Variants in FGD5 observed in about 807,000 individuals in gnomAD.
The protein encoded by FGD5 is FYVE, RhoGEF and PH domain containing 5.
A neutral mutation model predicts 133.4 loss-of-function variants in FGD5; 28 were observed. The observed-to-expected ratio is 0.21, with a 90% CI of 0.16 to 0.29. The LOEUF (loss-of-function observed/expected upper bound fraction) is 0.29. FGD5 is among the 10% of genes least tolerant of loss of function. FGD5 has a pLI of 1.00. For missense variants in FGD5, 1,858 were observed against 1,895.2 expected, an observed-to-expected ratio of 0.98 and a Z score of 0.36; for synonymous variants, 810 against 776.5, an observed-to-expected ratio of 1.04 and a Z score of -0.72.
intron 9 of FGD5, among the ~76,000 whole-genome samples, chr3:14,903,586 G>C (rs2038284908): frequency 6.9e-6 from 1 of 144,654 alleles, no homozygotes; most frequent in Non-Finnish European, 1.5e-5. Flanking sequence ...TCCCACCTGT[G>C]AGTGAGAATA....
rs776303429 is a variant in FGD5 at position 14,900,416 on chromosome 3, C to G, written c.3168C>G (p.Asn1056Lys). Reference sequence around the variant, plus strand: ...TCCTGCCAACAGACTATTTAAACAACCTTTGTCCGGACTCCGCCGAGTACG... The same window carrying G: ...TCCTGCCAACAGACTATTTAAACAAGCTTTGTCCGGACTCCGCCGAGTACG... Reference protein sequence around the residue: ...YQVLLTDYLNNLCPDSAEYDN... With the variant: ...YQVLLTDYLNKLCPDSAEYDN... Residue 1056 changes from asparagine (N) to lysine (K), a missense_variant, in exon 8 of 20, where the codon AAC (asparagine) becomes AAG (lysine). Around this residue, in one of 3 missense-constraint regions of FGD5, gnomAD observed 1,824 missense variants for 1,848.9 expected, o/e 0.99. Coordinates refer to ENST00000285046, the MANE Select transcript of FGD5 (RefSeq NM_152536.4). 1 of 1,613,582 alleles carries G rather than the reference C, an allele frequency of 6.2e-7. No individual in the cohort carries two copies.
At chr3:14,932,297 G>A (rs769628802) in intron 18 of FGD5, 46 of 274,004 alleles carry the variant, frequency 1.7e-4, no homozygotes, top group Admixed American at 5.1e-4. Flanking sequence ...AGGCCAGGCT[G>A]GTCTCGAACT....
chr3:14,827,503 C>T (rs1409530458), intron 1 of FGD5, among the ~76,000 whole-genome samples: 6 of 152,002 alleles, frequency 3.9e-5, no homozygotes, highest in Admixed American at 1.3e-4. Flanking sequence ...AGGATGTTTT[C>T]TGGTATTCTT....
At chr3:14,874,134 ACG>A (rs1471196474) in intron 2 of FGD5, among the ~76,000 whole-genome samples, 1 of 152,236 alleles carries the variant, frequency 6.6e-6, no homozygotes, top group Non-Finnish European at 1.5e-5. Context: ...GCCATTTGCA[ACG>A]ATGTGAATGA....
At position 14,885,486 on chromosome 3, in the gene FGD5, A is replaced by G. The variant is rs568017730; in HGVS notation, c.2748+4714A>G. On this transcript the variant is annotated intron_variant, in intron 4 of 19. Coordinates refer to ENST00000285046, the MANE Select transcript of FGD5 (RefSeq NM_152536.4). The stretch of plus-strand genomic sequence containing the variant: ...GATAAACAGTTTGCTCTTTGATCAT[A>G]TAGCCTCCAGCGGAATGCTGAGTTG... Among the ~76,000 whole-genome samples the G allele has an allele frequency of 3.3e-5, 5 of 152,286 alleles. No individual in the cohort carries two copies. In the South Asian group the frequency reaches 1.0e-3, roughly 32 times the overall value.
At chr3:14,900,476 G>A (rs769331729) in intron 8 of FGD5, 23 bp downstream of exon 8, 1 of 1,611,826 alleles carries the variant, frequency 6.2e-7, no homozygotes, top group Non-Finnish European at 8.5e-7. Context: ...TGAATGCGGA[G>A]GGAGGTACTC....
chr3:14,900,037 A>G (rs755316969), intron 7 of FGD5, among the ~76,000 whole-genome samples: 8 of 152,172 alleles, frequency 5.3e-5, no homozygotes, highest in Non-Finnish European at 7.3e-5. Flanking sequence ...TGGAGCCTGG[A>G]GAGTATGAAT....
intron 1 of FGD5, among the ~76,000 whole-genome samples, chr3:14,812,036 ATGTGTG>A (rs56994528): frequency 1.4e-5 from 2 of 148,094 alleles, no homozygotes; most frequent in Non-Finnish European, 3.0e-5. Flanking sequence ...GTGTGTATGT[ATGTGTG>A]TGTGTGTGTA....
chr3:14,859,827 A>C (rs1388461109), intron 1 of FGD5, among the ~76,000 whole-genome samples: 1 of 152,128 alleles, frequency 6.6e-6, no homozygotes, highest in African/African-American at 2.4e-5. Context: ...ATTTGGTTCT[A>C]TCATGTATGG....
At chr3:14,898,279 G>T (rs2307089) in intron 6 of FGD5, among the ~76,000 whole-genome samples, 184 bp downstream of exon 6, 4,614 of 152,216 alleles carry the variant, frequency 0.03, 239 homozygotes, top group East Asian at 0.21. Context: ...CAGAACATCC[G>T]CTGTTGGGCA....
chr3:14,871,632 G>A (rs1410439917), intron 2 of FGD5, among the ~76,000 whole-genome samples: 1 of 152,180 alleles, frequency 6.6e-6, no homozygotes, highest in African/African-American at 2.4e-5. Flanking sequence ...GGAGAGAAGA[G>A]GGGCTCCAAG....
intron 1 of FGD5, among the ~76,000 whole-genome samples, chr3:14,822,672 T>C (rs1360774890): frequency 2.6e-5 from 4 of 152,162 alleles, no homozygotes; most frequent in Non-Finnish European, 5.9e-5. Flanking sequence ...AACTTAAAGG[T>C]GATGCAGTTT....
intron 4 of FGD5, among the ~76,000 whole-genome samples, chr3:14,894,664 G>A (rs1029170240): frequency 4.2e-5 from 6 of 143,654 alleles, no homozygotes; most frequent in Non-Finnish European, 7.5e-5. Context: ...CACAGGTGCA[G>A]GTCCAGCTAA....
rs570965040 is a variant in FGD5 at position 14,869,022 on chromosome 3, C to T, written c.2658+4762C>T. On this transcript the variant is annotated intron_variant, in intron 2 of 19. Coordinates refer to ENST00000285046, the MANE Select transcript of FGD5 (RefSeq NM_152536.4). Reference sequence around the variant, plus strand: ...TAAAAAACAAACTGGCAGCCAGGCACGGTGGCTCACACCTGTAATCCCAGC... The same window carrying T: ...TAAAAAACAAACTGGCAGCCAGGCATGGTGGCTCACACCTGTAATCCCAGC... Among the ~76,000 whole-genome samples, 3 of 152,250 alleles carry T rather than the reference C, an allele frequency of 2.0e-5. No homozygotes were observed. In the East Asian group the frequency reaches 5.8e-4, roughly 29 times the overall value.
At position 14,922,031 on chromosome 3, in the gene FGD5, C is replaced by T. The variant is rs1465927940; in HGVS notation, c.3669+14C>T. The T allele has an allele frequency of 1.9e-6, 3 of 1,553,792 alleles. No homozygotes were observed. Among genetic ancestry groups the T allele is most frequent in the Admixed American group, 3.9e-5 (2 of 51,246 alleles). ...CATAGCGTGGAGGTGAGTGGGTGGGCAGGGCCCACGGGCCACCAGCTTCAG... is the reference window on the plus strand; with the variant it reads ...CATAGCGTGGAGGTGAGTGGGTGGGTAGGGCCCACGGGCCACCAGCTTCAG... On this transcript the variant is annotated intron_variant, in intron 14 of 19. Transcript: ENST00000285046. The surrounding 1 kb of genome is among the most constrained non-coding windows in gnomAD (Gnocchi z 4.1).
intron 1 of FGD5, among the ~76,000 whole-genome samples, chr3:14,822,085 C>T (rs1439656716): frequency 1.3e-5 from 2 of 149,040 alleles, no homozygotes; most frequent in African/African-American, 2.5e-5. Flanking sequence ...GGCAATAGAG[C>T]GAGACTCTGT....
intron 4 of FGD5, among the ~76,000 whole-genome samples, chr3:14,888,002 C>CA (rs5846851): frequency 0.64 from 94,302 of 148,366 alleles, 29,864 homozygotes; most frequent in African/African-American, 0.66. Flanking sequence ...CCCATCACTA[C>CA]AAAAAAAAAA....
intron 1 of FGD5, among the ~76,000 whole-genome samples, chr3:14,853,114 G>A (rs532790750): frequency 1.2e-4 from 19 of 152,270 alleles, no homozygotes; most frequent in Non-Finnish European, 2.6e-4. Context: ...CATTTGCGCT[G>A]TGCTTTGTCT....
chr3:14,926,060 C>T lies in FGD5; in HGVS notation c.4069-10C>T. 1.2e-6 allele frequency: 2 copies of T among 1,613,324 alleles called. No individual in the cohort carries two copies. Among genetic ancestry groups the T allele is most frequent in the Non-Finnish European group, 1.7e-6 (2 of 1,179,646 alleles). On this transcript the variant is annotated splice_polypyrimidine_tract_variant and intron_variant, in intron 17 of 19. Coordinates refer to ENST00000285046, the MANE Select transcript of FGD5 (RefSeq NM_152536.4). ...GGGGTGGGCTGACCGCTCTGCTTCCCTCCTGCCAGGTGGCTGCCTCTGGAG... is the reference window on the plus strand; with the variant it reads ...GGGGTGGGCTGACCGCTCTGCTTCCTTCCTGCCAGGTGGCTGCCTCTGGAG...
Sources: allele counts gnomAD v4.1 joint callset (sites outside exome capture counted in the v4.1 genomes callset), GRCh38; gene constraint gnomAD v4.1.1; regional missense constraint gnomAD v4.1.1; non-coding constraint Gnocchi (gnomAD v3.1); transcripts MANE v1.5; gene names NCBI Gene and HGNC (gene_info 2026-07-23, HGNC 2026-07-21).